Variants in SYCP2 observed in about 807,000 individuals in gnomAD.
SYCP2 encodes the protein synaptonemal complex protein 2, also known as synaptonemal complex lateral element protein.
A neutral mutation model predicts 211.3 loss-of-function variants in SYCP2; 55 were observed. The observed-to-expected ratio is 0.26, with a 90% confidence interval of 0.21 to 0.33. The LOEUF is 0.33. Among genes scored for constraint, SYCP2 ranks in the 10% least tolerant of loss-of-function variants. The pLI, the probability that SYCP2 is intolerant of heterozygous loss-of-function variation, is 1.00. For missense variants in SYCP2, 1,731 were observed against 1,752.0 expected (o/e 0.99, Z 0.21); for synonymous variants, 570 against 555.2 (o/e 1.03, Z -0.37).
At chr20:59,919,395 C>G in intron 6 of SYCP2, 98 bp downstream of exon 6, 1 of 885,852 alleles carries the variant, frequency 1.1e-6, no homozygotes, top group Non-Finnish European at 1.8e-6. Flanking sequence ...ACCAACCAAT[C>G]TGTTAGTGAC....
In SYCP2 at chr20:59,877,425, T is replaced by G. The variant is rs1203124851; in HGVS notation, c.3110A>C (p.Gln1037Pro). The change falls in exon 33 of 45, where the codon CAA becomes CCA. Residue 1037 changes from glutamine to proline, a missense_variant. Physicochemically the swap from Gln to Pro is moderately conservative, Grantham distance 76 (BLOSUM62 -1). Around this residue, in one of 3 missense-constraint regions of SYCP2, gnomAD observed 1,387 missense variants for 1,351.3 expected, o/e 1.03. Coordinates refer to ENST00000357552, the MANE Select transcript of SYCP2 (RefSeq NM_014258.4). ...DLSNSESECE[Q>P]EFSHSFKENI... ...CTCTTTAAATGAATGTGAAAATTCT[T>G]GTTCACACTCTGATTCTGAATTTGA... is the stretch of plus-strand genomic sequence containing the variant. The G allele has an allele frequency of 6.3e-7, 1 of 1,595,428 alleles. No homozygotes were observed. Among genetic ancestry groups the G allele is most frequent in the Non-Finnish European group, 8.5e-7 (1 of 1,175,270 alleles).
At chr20:59,867,347 G>T (rs6064853) in intron 39 of SYCP2, among the ~76,000 whole-genome samples, 10,547 of 151,152 alleles carry the variant, frequency 0.07, 701 homozygotes, top group African/African-American at 0.17. Flanking sequence ...AAATGGTATT[G>T]CTCTGACTGC....
chr20:59,925,270 T>C (rs1441138656), intron 2 of SYCP2, among the ~76,000 whole-genome samples: 1 of 152,006 alleles, frequency 6.6e-6, no homozygotes, highest in Non-Finnish European at 1.5e-5. Flanking sequence ...CTTAGTTTAA[T>C]ACTTACAGGT....
chr20:59,878,792 T>C (rs1468510044), intron 31 of SYCP2, among the ~76,000 whole-genome samples: 3 of 152,274 alleles, frequency 2.0e-5, no homozygotes, highest in Non-Finnish European at 4.4e-5. Context: ...ATATTATTGA[T>C]AGCAGATTTA....
rs1390094877 is a variant in SYCP2, at chr20:59,863,670, A to T, written c.*641T>A. The T allele has an allele frequency of 1.3e-5, 2 of 152,016 alleles. No homozygotes were observed. The highest frequency in any genetic ancestry group is 2.9e-5 in the Non-Finnish European group (2 of 67,916). The allele number at this position is 152,016 out of a possible 1,614,324, so 9.4% of individuals were successfully genotyped here. A position where few individuals can be genotyped will look rare whatever the true frequency, so the allele number is the denominator to read the frequency against. ...TAAATTAATCTAGCAAGATATTACA[A>T]TGACTACTAGATTAAAAGTATTTGT... is the stretch of plus-strand genomic sequence containing the variant. On this transcript the variant is annotated 3_prime_UTR_variant, in exon 45 of 45. Coordinates refer to ENST00000357552, the MANE Select transcript of SYCP2 (RefSeq NM_014258.4).
chr20:59,904,617 G>C (rs1325782728), intron 15 of SYCP2, among the ~76,000 whole-genome samples: 1 of 152,064 alleles, frequency 6.6e-6, no homozygotes, highest in Admixed American at 6.6e-5. Flanking sequence ...AAAATTACTT[G>C]ACATCCATAG....
chr20:59,893,449 G>A (rs940256336), intron 21 of SYCP2, 75 bp downstream of exon 21: 1 of 931,976 alleles, frequency 1.1e-6, no homozygotes, highest in Non-Finnish European at 1.6e-6. Flanking sequence ...AAGCCAGTGG[G>A]GTTAAATGGT....
chr20:59,894,148 C>T (rs747362926), intron 20 of SYCP2, among the ~76,000 whole-genome samples: 4 of 151,952 alleles, frequency 2.6e-5, no homozygotes, highest in Non-Finnish European at 4.4e-5. Context: ...ACAAATCTGC[C>T]ACTATTATCA....
intron 8 of SYCP2, 115 bp downstream of exon 8, chr20:59,916,371 A>G: frequency 1.6e-6 from 1 of 637,352 alleles, no homozygotes; most frequent in East Asian, 2.8e-5. Context: ...TATGATAGAA[A>G]TATACTCCAA....
chr20:59,918,009 T>C (rs1333214465), intron 7 of SYCP2, among the ~76,000 whole-genome samples: 1 of 152,192 alleles, frequency 6.6e-6, no homozygotes, highest in Non-Finnish European at 1.5e-5. Context: ...TCATTCACTC[T>C]TGTCAGTTTA....
intron 35 of SYCP2, among the ~76,000 whole-genome samples, chr20:59,870,962 A>G (rs2059441651): frequency 6.6e-6 from 1 of 151,834 alleles, no homozygotes; most frequent in African/African-American, 2.4e-5. Flanking sequence ...ATAAGAAAAT[A>G]TTTTTATGAC....
chr20:59,911,871 G>T (rs770428086), intron 13 of SYCP2, 26 bp from the exon 14 acceptor site: 2 of 1,194,740 alleles, frequency 1.7e-6, no homozygotes, highest in South Asian at 3.1e-5. Context: ...TACAAAACTG[G>T]AATATACAAT....
At chr20:59,922,075 A>C (rs987589530) in intron 3 of SYCP2, among the ~76,000 whole-genome samples, 1 of 151,636 alleles carries the variant, frequency 6.6e-6, no homozygotes, top group Non-Finnish European at 1.5e-5. Flanking sequence ...ACCTAAATAC[A>C]CAATATCTTA....
chr20:59,887,849 A>G (rs1198212997), intron 24 of SYCP2, among the ~76,000 whole-genome samples: 1 of 152,050 alleles, frequency 6.6e-6, no homozygotes, highest in Admixed American at 6.6e-5. Flanking sequence ...AAGAAGGGCC[A>G]TCACTGCTGA....
intron 5 of SYCP2, among the ~76,000 whole-genome samples, 176 bp downstream of exon 5, chr20:59,920,183 A>T (rs1233495428): frequency 6.6e-6 from 1 of 151,746 alleles, no homozygotes; most frequent in Non-Finnish European, 1.5e-5. Flanking sequence ...CTGTCTTTGT[A>T]CAGTTTGTGA....
chr20:59,900,992 C>A (rs547312709), intron 16 of SYCP2, among the ~76,000 whole-genome samples, 174 bp from the exon 17 acceptor site: 1 of 151,966 alleles, frequency 6.6e-6, no homozygotes, highest in Non-Finnish European at 1.5e-5. Context: ...TTCAATTACT[C>A]CCCTTTAACC....
intron 2 of SYCP2, among the ~76,000 whole-genome samples, chr20:59,929,240 A>G (rs1415073386): frequency 1.3e-5 from 2 of 152,164 alleles, no homozygotes; most frequent in Non-Finnish European, 1.5e-5. Flanking sequence ...GCAAAAACTA[A>G]AGAGACTGAT....
Position 59,866,657 on chromosome 20 carries a change from C to G in SYCP2, c.4126-68G>C, listed in dbSNP as rs2059343670. The stretch of plus-strand genomic sequence containing the variant: ...AACACTCTAACCAAGACTACAGTAA[C>G]AGCAAATAATTTTCCACGAAATGTA... On this transcript the variant is annotated intron_variant, in intron 39 of 44. Transcript: ENST00000357552. 8 of 1,017,990 alleles carry G rather than the reference C, an allele frequency of 7.9e-6. No individual in the cohort carries two copies. In the South Asian group the frequency reaches 1.1e-4, roughly 15 times the overall value. 63.1% of individuals were successfully genotyped at this position (1,017,990 alleles called of 1,614,324 possible).
chr20:59,919,279 T>G, intron 6 of SYCP2, 97 bp from the exon 7 acceptor site: 1 of 727,784 alleles, frequency 1.4e-6, no homozygotes, highest in Non-Finnish European at 2.3e-6. Context: ...AAATGACAGA[T>G]TACATTTTAA....
Sources: allele counts gnomAD v4.1 joint callset (sites outside exome capture counted in the v4.1 genomes callset), GRCh38; gene constraint gnomAD v4.1.1; regional missense constraint gnomAD v4.1.1; transcripts MANE v1.5; gene names NCBI Gene and HGNC (gene_info 2026-07-23, HGNC 2026-07-21).